Variants in PLA2G4A observed in about 807,000 individuals in gnomAD.
PLA2G4A encodes the protein phospholipase A2 group IVA.
In PLA2G4A, 40 loss-of-function variants were observed where a neutral mutation model predicts 81.9. That is an observed-to-expected ratio of 0.49 (90% confidence interval 0.38 to 0.64). The LOEUF (loss-of-function observed/expected upper bound fraction) is 0.64, where lower values mean the gene tolerates loss of function less well. Among genes scored for constraint, PLA2G4A ranks in the 30% least tolerant of loss-of-function variants. The probability of loss-of-function intolerance (pLI) is 0.00; values close to 1 mark genes in which losing one functional copy is unlikely to be tolerated. For synonymous variants in PLA2G4A, 302 were observed against 296.9 expected, an observed-to-expected ratio of 1.02 and a Z score of -0.18; for missense variants, 715 against 905.1, an observed-to-expected ratio of 0.79 and a Z score of 2.69.
Position 186,988,383 on chromosome 1 carries a change from A to G in PLA2G4A, c.2125A>G (p.Lys709Glu), listed in dbSNP as rs1171521311. The G allele has an allele frequency of 6.2e-7, 1 of 1,611,478 alleles. No individual in the cohort carries two copies. The highest frequency in any genetic ancestry group is 8.5e-7 in the Non-Finnish European group (1 of 1,177,914). Residue 709 changes from lysine (K) to glutamate (E), a missense_variant, in exon 18 of 18, where the codon AAA becomes GAA. By Grantham distance (56) the Lys-to-Glu change is moderately conservative. Coordinates refer to ENST00000367466, the MANE Select transcript of PLA2G4A (RefSeq NM_024420.3). ...CTTCTGTCTCTATTTGCAGGTGATA[A>G]AAGAAGCCATGGTTGAAAGCATTGA... is the stretch of plus-strand genomic sequence containing the variant. The part of the protein sequence containing the change: ...FNTLNNIDVI[K>E]EAMVESIEYR...
At chr1:186,890,712 G>A (rs975575455) in intron 3 of PLA2G4A, among the ~76,000 whole-genome samples, 12 of 151,982 alleles carry the variant, frequency 7.9e-5, no homozygotes, top group Non-Finnish European at 1.8e-4. Flanking sequence ...AAATTAGCCG[G>A]GCATAGTGGC....
chr1:186,849,348 G>T (rs779849112), intron 1 of PLA2G4A, among the ~76,000 whole-genome samples: 1 of 152,076 alleles, frequency 6.6e-6, no homozygotes, highest in Non-Finnish European at 1.5e-5. Flanking sequence ...GGAATGAAAG[G>T]CTTGAAGGAG....
At position 186,868,842 on chromosome 1, in the gene PLA2G4A, A is replaced by G. The variant is rs1267627244; in HGVS notation, c.34-1593A>G. Reference sequence around the variant, plus strand: ...AGTTGTTTGTAGTATTTCTTCTGTTATCCTTTCAATGTCCACGCGATCTGT... The same window carrying G: ...AGTTGTTTGTAGTATTTCTTCTGTTGTCCTTTCAATGTCCACGCGATCTGT... On this transcript the variant is annotated intron_variant, in intron 2 of 17. Coordinates refer to ENST00000367466, the MANE Select transcript of PLA2G4A (RefSeq NM_024420.3). 1.7e-4 allele frequency among the ~76,000 whole-genome samples: 26 copies of G among 151,612 alleles called. 1 individual carries two copies. The highest frequency in any genetic ancestry group is 1.7e-3 in the Admixed American group (26 of 15,218).
intron 14 of PLA2G4A, among the ~76,000 whole-genome samples, chr1:186,963,942 A>T (rs1657042752): frequency 6.6e-6 from 1 of 152,242 alleles, no homozygotes; most frequent in Admixed American, 6.5e-5. Flanking sequence ...AAGAATTTAA[A>T]GATTTGCTTT....
chr1:186,947,790 C>T (rs1461041260), intron 12 of PLA2G4A, among the ~76,000 whole-genome samples: 3 of 152,122 alleles, frequency 2.0e-5, no homozygotes, highest in Non-Finnish European at 4.4e-5. Flanking sequence ...GGACTATCAA[C>T]ACAACTACCT....
chr1:186,981,213 T>A (rs890445876), intron 17 of PLA2G4A, among the ~76,000 whole-genome samples: 1 of 152,176 alleles, frequency 6.6e-6, no homozygotes, highest in African/African-American at 2.4e-5. Flanking sequence ...ATTTGATAAG[T>A]CTTTCTCAAA....
intron 3 of PLA2G4A, among the ~76,000 whole-genome samples, chr1:186,880,113 C>T (rs1399040498): frequency 1.3e-5 from 2 of 152,094 alleles, no homozygotes; most frequent in East Asian, 3.9e-4. Flanking sequence ...TCAATGTTTA[C>T]TTGTGCAGCA....
chr1:186,963,497 C>T (rs180757447), intron 14 of PLA2G4A, among the ~76,000 whole-genome samples: 118 of 152,292 alleles, frequency 7.7e-4, no homozygotes, highest in African/African-American at 2.8e-3. Flanking sequence ...ATAAGTTAGC[C>T]TTGGACACAG....
intron 1 of PLA2G4A, among the ~76,000 whole-genome samples, chr1:186,839,184 T>C (rs943879338): frequency 3.3e-5 from 5 of 152,120 alleles, no homozygotes; most frequent in African/African-American, 1.2e-4. Flanking sequence ...AAGCAGTGAG[T>C]CTGTGCGGGT....
intron 7 of PLA2G4A, among the ~76,000 whole-genome samples, chr1:186,922,961 A>G (rs942675128): frequency 1.3e-5 from 2 of 152,240 alleles, no homozygotes; most frequent in African/African-American, 4.8e-5. Context: ...CAATGTCTGT[A>G]ATCTATAGAT....
intron 5 of PLA2G4A, 139 bp downstream of exon 5, chr1:186,894,350 T>C (rs1219054303): frequency 1.3e-5 from 8 of 635,704 alleles, no homozygotes; most frequent in Non-Finnish European, 2.0e-5. Context: ...ATTTTGTTTT[T>C]CTTTTTACTT....
intron 1 of PLA2G4A, among the ~76,000 whole-genome samples, chr1:186,848,699 T>C (rs933022216): frequency 6.6e-6 from 1 of 151,802 alleles, no homozygotes; most frequent in African/African-American, 2.4e-5. Context: ...CTAGTTATCT[T>C]GTAGTTCTTA....
chr1:186,847,992 A>C (rs1412155440), intron 1 of PLA2G4A, among the ~76,000 whole-genome samples: 2 of 152,180 alleles, frequency 1.3e-5, no homozygotes, highest in Admixed American at 1.3e-4. Flanking sequence ...TTGTCCATGG[A>C]CTAAAGAGAA....
chr1:186,966,159 G>A (rs1475037090), intron 15 of PLA2G4A, among the ~76,000 whole-genome samples: 1 of 147,616 alleles, frequency 6.8e-6, no homozygotes, highest in East Asian at 2.1e-4. Context: ...TCTGTAGATT[G>A]TTCAGGGAAG....
chr1:186,889,301 C>T (rs1222213392), intron 3 of PLA2G4A, among the ~76,000 whole-genome samples: 1 of 152,206 alleles, frequency 6.6e-6, no homozygotes. Flanking sequence ...TGATCCACAT[C>T]AGTGTCAGCT....
intron 6 of PLA2G4A, among the ~76,000 whole-genome samples, chr1:186,907,424 T>G (rs1243671312): frequency 6.6e-6 from 1 of 152,206 alleles, no homozygotes; most frequent in African/African-American, 2.4e-5. Flanking sequence ...TTGAGACTGA[T>G]TTTATTCATA....
At chr1:186,872,387 G>A (rs548870356) in intron 3 of PLA2G4A, among the ~76,000 whole-genome samples, 1 of 152,208 alleles carries the variant, frequency 6.6e-6, no homozygotes, top group Non-Finnish European at 1.5e-5. Flanking sequence ...CACGCTGTGT[G>A]TTGGAAAAGC....
intron 14 of PLA2G4A, among the ~76,000 whole-genome samples, chr1:186,956,659 G>A (rs1240359779): frequency 2.6e-5 from 4 of 151,934 alleles, no homozygotes; most frequent in Middle Eastern, 3.2e-3. Flanking sequence ...GACTACAGGT[G>A]CACACCACCA....
chr1:186,923,699 C>A (rs1223984056), intron 7 of PLA2G4A, among the ~76,000 whole-genome samples: 3 of 152,194 alleles, frequency 2.0e-5, no homozygotes, highest in Non-Finnish European at 4.4e-5. Context: ...GACTGTTGGC[C>A]ATGCCTTGAG....
Sources: allele counts gnomAD v4.1 joint callset (sites outside exome capture counted in the v4.1 genomes callset), GRCh38; gene constraint gnomAD v4.1.1; transcripts MANE v1.5; gene names NCBI Gene and HGNC (gene_info 2026-07-23, HGNC 2026-07-21).